The following NFYA variants were observed in gnomAD, a reference collection of about 807,000 sequenced individuals.
NFYA encodes the protein CAAT-box DNA binding protein subunit A.
A neutral mutation model predicts 52.8 loss-of-function variants in NFYA; 28 were observed. The observed-to-expected ratio is 0.53, with a 90% CI of 0.39 to 0.73. The LOEUF is 0.73. Ranked by LOEUF, NFYA falls within the 30% of genes least tolerant of loss-of-function variation. The pLI is 0.00. For synonymous variants in NFYA, 150 were observed against 150.7 expected (o/e 1.00, Z 0.03); for missense variants, 234 against 427.0 (o/e 0.55, Z 3.98).
rs140161624 is a variant in NFYA, at chr6:41,094,143, G to GTC, written c.889-252_889-251insCT. Among the ~76,000 whole-genome samples the GTC allele has an allele frequency of 8.7e-3, 1,323 of 152,256 alleles. 17 individuals are homozygous for GTC. Among genetic ancestry groups the GTC allele is most frequent in the African/African-American group, 0.03 (1,231 of 41,526 alleles). ...AAAGTGTATATATTGTGAAGTGTAG[G>GTC]TGGTAGTCTGTTATTTTTTTTAAAA... On this transcript the variant is annotated intron_variant, in intron 8 of 9. Transcript: ENST00000341376.
At chr6:41,091,834 CATT>C (rs1764204667) in intron 7 of NFYA, 140 bp downstream of exon 7, 1 of 915,658 alleles carries the variant, frequency 1.1e-6, no homozygotes, top group African/African-American at 1.7e-5. Flanking sequence ...TTGACAATAA[CATT>C]ATGACAAACC....
At chr6:41,089,979 C>T (rs950887540) in intron 5 of NFYA, among the ~76,000 whole-genome samples, 9 of 152,008 alleles carry the variant, frequency 5.9e-5, no homozygotes, top group African/African-American at 1.9e-4. Context: ...GGCATGGTGG[C>T]GCATGCCTGT....
At position 41,101,248 on chromosome 6, in the gene NFYA, C is replaced by A. The variant is rs1040545895; in HGVS notation, c.*3838C>A. ...GGGAGAGGCGGCCGTTGGGTCTAAG[C>A]CCCTGGAGGCCTCGACGGTTACAGG... On this transcript the variant is annotated 3_prime_UTR_variant, in exon 10 of 10. Coordinates refer to ENST00000341376, the MANE Select transcript of NFYA (RefSeq NM_002505.5). The A allele has an allele frequency of 2.0e-5, 3 of 152,262 alleles. No individual in the cohort carries two copies. Among genetic ancestry groups the A allele is most frequent in the African/African-American group, 7.2e-5 (3 of 41,464 alleles). 9.4% of individuals were successfully genotyped at this position (152,262 alleles called of 1,614,324 possible). A position where few individuals can be genotyped will look rare whatever the true frequency, so the allele number is the denominator to read the frequency against.
At position 41,102,220 on chromosome 6, in the gene NFYA, T is replaced by G. The variant is rs1460694601; in HGVS notation, c.*4810T>G. The G allele has an allele frequency of 6.6e-6, 1 of 152,190 alleles. No individual in the cohort carries two copies. Among genetic ancestry groups the G allele is most frequent in the African/African-American group, 2.4e-5 (1 of 41,430 alleles). The allele number at this position is 152,190 out of a possible 1,614,324, so 9.4% of individuals were successfully genotyped here. On this transcript the variant is annotated 3_prime_UTR_variant, in exon 10 of 10. Coordinates refer to ENST00000341376, the MANE Select transcript of NFYA (RefSeq NM_002505.5). The stretch of plus-strand genomic sequence containing the variant: ...AAACAGGTACCAAAGGGTCATTCCT[T>G]TAGCATCATTCATCTTTGGTTTCTT...
chr6:41,093,183 A>G, intron 8 of NFYA, 98 bp downstream of exon 8: 1 of 1,062,580 alleles, frequency 9.4e-7, no homozygotes, highest in Non-Finnish European at 1.3e-6. Context: ...GTACCTTCCA[A>G]ACAATTGACG....
chr6:41,097,654 C>A lies in NFYA; in HGVS notation c.*244C>A. On this transcript the variant is annotated 3_prime_UTR_variant, in exon 10 of 10. Transcript: ENST00000341376. ...CAGACTGTTGATGACATTGACATTT[C>A]ATGGATTCGGATGATGCAAGGAGAC... is the stretch of plus-strand genomic sequence containing the variant. The A allele has an allele frequency of 2.2e-6, 1 of 445,118 alleles. No individual in the cohort carries two copies. Among genetic ancestry groups the A allele is most frequent in the Non-Finnish European group, 4.1e-6 (1 of 244,248 alleles). 27.6% of individuals were successfully genotyped at this position (445,118 alleles called of 1,614,324 possible). A position where few individuals can be genotyped will look rare whatever the true frequency, so the allele number is the denominator to read the frequency against.
intron 4 of NFYA, among the ~76,000 whole-genome samples, chr6:41,084,690 C>T (rs1351925492): frequency 6.6e-6 from 1 of 152,234 alleles, no homozygotes; most frequent in Non-Finnish European, 1.5e-5. Context: ...AGGCCAGGCG[C>T]AGTGGCTCAT....
chr6:41,073,684 G>T (rs1014041577), intron 1 of NFYA, among the ~76,000 whole-genome samples: 5 of 152,042 alleles, frequency 3.3e-5, no homozygotes, highest in African/African-American at 9.7e-5. Context: ...CTGGCAACGG[G>T]GCTGGCCCGC....
At chr6:41,091,816 A>T in intron 7 of NFYA, 122 bp downstream of exon 7, 1 of 1,067,838 alleles carries the variant, frequency 9.4e-7, no homozygotes, top group Non-Finnish European at 1.3e-6. Flanking sequence ...CACTGTCGGT[A>T]ATCTACTTTG....
intron 1 of NFYA, among the ~76,000 whole-genome samples, 177 bp downstream of exon 1, chr6:41,073,261 C>T (rs1243353065): frequency 6.6e-6 from 1 of 151,440 alleles, no homozygotes; most frequent in Non-Finnish European, 1.5e-5. Flanking sequence ...CGCCTCGGGG[C>T]ACTCCCGGCC....
At chr6:41,091,884 T>C (rs1026729019) in intron 7 of NFYA, among the ~76,000 whole-genome samples, 190 bp downstream of exon 7, 8 of 152,204 alleles carry the variant, frequency 5.3e-5, no homozygotes, top group African/African-American at 1.4e-4. Context: ...TGCCAGGGAC[T>C]ATTCACCAGG....
At chr6:41,075,042 GTTTTA>G (rs1298563593) in intron 1 of NFYA, among the ~76,000 whole-genome samples, 12 of 152,140 alleles carry the variant, frequency 7.9e-5, no homozygotes, top group Non-Finnish European at 1.8e-4. Flanking sequence ...TCGGGGACAG[GTTTTA>G]TTTTCACTTT....
At chr6:41,081,709 A>C (rs889554335) in intron 3 of NFYA, among the ~76,000 whole-genome samples, 2 of 150,356 alleles carry the variant, frequency 1.3e-5, no homozygotes, top group African/African-American at 5.0e-5. Context: ...AATCTTGTTA[A>C]TCTCTTGTTA....
At chr6:41,080,949 C>A in intron 3 of NFYA, 52 bp downstream of exon 3, 1 of 1,414,254 alleles carries the variant, frequency 7.1e-7, no homozygotes, top group Non-Finnish European at 1.0e-6. Flanking sequence ...CTCCTCTCCT[C>A]ATGTCTGGTG....
At chr6:41,082,816 A>G (rs1582026067) in intron 3 of NFYA, among the ~76,000 whole-genome samples, 2 of 152,186 alleles carry the variant, frequency 1.3e-5, no homozygotes, top group South Asian at 4.1e-4. Context: ...ATAGCATGAG[A>G]GAGTCAGGCT....
At chr6:41,088,462 T>C (rs1764109025) in intron 4 of NFYA, among the ~76,000 whole-genome samples, 1 of 151,728 alleles carries the variant, frequency 6.6e-6, no homozygotes. Flanking sequence ...TTATAGTTTC[T>C]GTGAGTTAGG....
At position 41,101,147 on chromosome 6, in the gene NFYA, C is replaced by G. The variant is rs1460944614; in HGVS notation, c.*3737C>G. 6.6e-6 allele frequency: 1 copy of G among 152,232 alleles called. No individual in the cohort carries two copies. Among genetic ancestry groups the G allele is most frequent in the Non-Finnish European group, 1.5e-5 (1 of 68,042 alleles). The allele number at this position is 152,232 out of a possible 1,614,324, so 9.4% of individuals were successfully genotyped here. A position where few individuals can be genotyped will look rare whatever the true frequency, so the allele number is the denominator to read the frequency against. ...GATGGGAACCCGAGCTCGCCACGGCCCAGGGCGTCCTCCTAGGCGTCCATG... is the reference window on the plus strand; with the variant it reads ...GATGGGAACCCGAGCTCGCCACGGCGCAGGGCGTCCTCCTAGGCGTCCATG... On this transcript the variant is annotated 3_prime_UTR_variant, in exon 10 of 10. Transcript: ENST00000341376.
intron 7 of NFYA, among the ~76,000 whole-genome samples, chr6:41,092,419 C>T (rs759949159): frequency 3.3e-5 from 5 of 152,074 alleles, no homozygotes; most frequent in Non-Finnish European, 7.4e-5. Context: ...TTATTCAAAG[C>T]GGTTGTATTT....
intron 1 of NFYA, among the ~76,000 whole-genome samples, chr6:41,078,248 G>A (rs1283781495): frequency 6.6e-6 from 1 of 152,140 alleles, no homozygotes; most frequent in Non-Finnish European, 1.5e-5. Context: ...CTTTCACACT[G>A]TATTGAGACA....
Sources: allele counts gnomAD v4.1 joint callset (sites outside exome capture counted in the v4.1 genomes callset), GRCh38; gene constraint gnomAD v4.1.1; transcripts MANE v1.5; gene names NCBI Gene and HGNC (gene_info 2026-07-23, HGNC 2026-07-21).